The following NAV3 variants were observed in gnomAD, a reference collection of about 807,000 sequenced individuals.
NAV3 encodes pore membrane and/or filament interacting like protein 1.
In NAV3, 87 loss-of-function variants were observed where a neutral mutation model predicts 244.7. The observed-to-expected ratio is 0.36, with a 90% CI of 0.30 to 0.42. The LOEUF (loss-of-function observed/expected upper bound fraction) is 0.42, where lower values mean the gene tolerates loss of function less well. Among genes scored for constraint, NAV3 ranks in the 20% least tolerant of loss-of-function variants. The pLI is 1.00. For synonymous variants in NAV3, 1,126 were observed against 1,042.2 expected (o/e 1.08, Z -1.55); for missense variants, 2,663 against 2,893.3 (o/e 0.92, Z 1.83).
chr12:77,672,170 AC>A (rs1315702598), intron 2 of NAV3, among the ~76,000 whole-genome samples: 1 of 152,140 alleles, frequency 6.6e-6, no homozygotes, highest in Non-Finnish European at 1.5e-5. Context: ...AACATCACTA[AC>A]GATCAGGGAA....
chr12:77,833,692 G>T (rs1021598189), intron 1 of NAV3, among the ~76,000 whole-genome samples: 2 of 152,176 alleles, frequency 1.3e-5, no homozygotes, highest in Non-Finnish European at 2.9e-5. Flanking sequence ...CTGTATTCTG[G>T]GTTCTCGCCT....
chr12:78,163,761 C>T (rs972220214), intron 23 of NAV3, among the ~76,000 whole-genome samples: 3 of 151,972 alleles, frequency 2.0e-5, no homozygotes, highest in Non-Finnish European at 4.4e-5. Context: ...AGGCATTACC[C>T]TATACCTAAC....
chr12:77,875,388 A>C (rs1881701057), intron 1 of NAV3, among the ~76,000 whole-genome samples: 1 of 151,950 alleles, frequency 6.6e-6, no homozygotes, highest in Non-Finnish European at 1.5e-5. Context: ...GCACCTCCTC[A>C]CTTCTTACTC....
At chr12:78,122,541 A>G (rs960258028) in intron 16 of NAV3, 113 bp downstream of exon 16, 1 of 1,303,806 alleles carries the variant, frequency 7.7e-7, no homozygotes, top group Non-Finnish European at 1.0e-6. Context: ...GTGCAAAAAG[A>G]TGTAAGACTG....
At chr12:78,073,262 C>T (rs371898250) in intron 12 of NAV3, among the ~76,000 whole-genome samples, 11,181 of 127,788 alleles carry the variant, frequency 0.087, 409 homozygotes, top group Middle Eastern at 0.12. Context: ...TGTTTGCAGA[C>T]GACATGATTG....
At chr12:77,786,645 G>A (rs539121137) in intron 2 of NAV3, among the ~76,000 whole-genome samples, 1 of 152,204 alleles carries the variant, frequency 6.6e-6, no homozygotes, top group Non-Finnish European at 1.5e-5. Flanking sequence ...ACTTGAAAAA[G>A]GTATTCTTAA....
At chr12:77,714,785 C>T (rs1478655409) in intron 2 of NAV3, among the ~76,000 whole-genome samples, 2 of 152,026 alleles carry the variant, frequency 1.3e-5, no homozygotes, top group African/African-American at 2.4e-5. Context: ...TCCTTTTATA[C>T]AGTATCTCTA....
chr12:78,150,264 T>C (rs924997655), intron 22 of NAV3, among the ~76,000 whole-genome samples: 1 of 152,096 alleles, frequency 6.6e-6, no homozygotes, highest in African/African-American at 2.4e-5. Context: ...AAAGGCTCAA[T>C]GGCAAACCTT....
chr12:78,088,924 C>T (rs1483529995), intron 12 of NAV3: 2 of 152,130 alleles, frequency 1.3e-5, no homozygotes, highest in Non-Finnish European at 2.9e-5. Context: ...CTCTTATCAG[C>T]ATTTGGATTA....
intron 2 of NAV3, among the ~76,000 whole-genome samples, chr12:77,757,451 C>G (rs1380544387): frequency 5.3e-5 from 8 of 152,306 alleles, no homozygotes; most frequent in Middle Eastern, 3.4e-3. Context: ...TACAATATCA[C>G]CTGTTCATTC....
chr12:77,825,223 G>T (rs186952248), intron 2 of NAV3, among the ~76,000 whole-genome samples: 2 of 152,150 alleles, frequency 1.3e-5, no homozygotes, highest in East Asian at 3.9e-4. Flanking sequence ...TGTTATAAAA[G>T]GTTGTTTATA....
intron 5 of NAV3, among the ~76,000 whole-genome samples, chr12:77,972,740 C>A (rs1287146966): frequency 6.6e-6 from 1 of 152,048 alleles, no homozygotes; most frequent in Non-Finnish European, 1.5e-5. Flanking sequence ...AATCCTATTT[C>A]TTATTCTAAG....
intron 12 of NAV3, among the ~76,000 whole-genome samples, chr12:78,109,007 C>A (rs1442172857): frequency 1.3e-5 from 2 of 151,448 alleles, no homozygotes; most frequent in East Asian, 3.9e-4. Flanking sequence ...AAATGATTAA[C>A]AAAACTAAAA....
Position 77,895,820 on chromosome 12 carries a change from G to A in NAV3, c.244-44499G>A, listed in dbSNP as rs1309092483. On this transcript the variant is annotated intron_variant, in intron 1 of 39. Transcript: ENST00000397909. ...ACAAAATACACAGATCTGATAAAAGGTGTCATGTTTCCCAGTCCTTTTCAA... is the reference window on the plus strand; with the variant it reads ...ACAAAATACACAGATCTGATAAAAGATGTCATGTTTCCCAGTCCTTTTCAA... Among the ~76,000 whole-genome samples the A allele has an allele frequency of 3.4e-5, 5 of 148,598 alleles. No individual in the cohort carries two copies. In the East Asian group the frequency reaches 9.8e-4, roughly 29 times the overall value.
At chr12:77,706,564 G>T (rs1295323855) in intron 2 of NAV3, among the ~76,000 whole-genome samples, 1 of 150,848 alleles carries the variant, frequency 6.6e-6, no homozygotes, top group Non-Finnish European at 1.5e-5. Context: ...ATATATGAGA[G>T]ACCCATAATT....
At chr12:78,093,586 G>A (rs1013733601) in intron 12 of NAV3, among the ~76,000 whole-genome samples, 11 of 151,868 alleles carry the variant, frequency 7.2e-5, no homozygotes, top group African/African-American at 2.4e-4. Flanking sequence ...AAAGCTATAG[G>A]GAATAGAGAC....
intron 6 of NAV3, among the ~76,000 whole-genome samples, chr12:77,995,328 A>C (rs765039126): frequency 1.1e-4 from 16 of 152,214 alleles, no homozygotes; most frequent in Non-Finnish European, 2.2e-4. Context: ...TCTTCTATCT[A>C]TAATAGTTTA....
intron 5 of NAV3, among the ~76,000 whole-genome samples, chr12:77,986,532 T>TCTCAACC (rs1158585490): frequency 1.3e-5 from 2 of 152,034 alleles, no homozygotes; most frequent in African/African-American, 2.4e-5. Context: ...TTATATGAGG[T>TCTCAACC]TGAGGTATTA....
At chr12:77,891,482 G>A (rs1007751238) in intron 1 of NAV3, among the ~76,000 whole-genome samples, 1 of 151,972 alleles carries the variant, frequency 6.6e-6, no homozygotes, top group Non-Finnish European at 1.5e-5. Flanking sequence ...ATAAATATAT[G>A]TAGTCTTTTT....
Sources: gnomAD v4.1 joint callset for allele counts (sites outside exome capture counted in the v4.1 genomes callset) on GRCh38, gnomAD v4.1.1 for gene constraint, MANE v1.5 for transcripts, NCBI Gene and HGNC (gene_info 2026-07-23, HGNC 2026-07-21) for gene names.